The following MCU variants were observed in gnomAD, a reference collection of about 807,000 sequenced individuals.
The protein encoded by MCU is calcium uniporter protein, mitochondrial.
MCU carries 12 observed loss-of-function variants against 45.2 expected under a neutral mutation model. The ratio of observed to expected loss-of-function variants is 0.27; its 90% confidence interval spans 0.17 to 0.43. MCU has a LOEUF of 0.43. Among genes scored for constraint, MCU ranks in the 20% least tolerant of loss-of-function variants. MCU has a pLI of 1.00. For missense variants in MCU, 324 were observed against 436.7 expected (o/e 0.74, Z 2.30); for synonymous variants, 160 against 165.1 (o/e 0.97, Z 0.24).
intron 1 of MCU, among the ~76,000 whole-genome samples, chr10:72,796,555 C>T (rs1005413896): frequency 2.6e-5 from 4 of 152,196 alleles, no homozygotes; most frequent in South Asian, 4.1e-4. Context: ...AGACAGGTCT[C>T]GCTTTGTTAC....
At chr10:72,787,368 A>G (rs972827138) in intron 1 of MCU, among the ~76,000 whole-genome samples, 1 of 152,168 alleles carries the variant, frequency 6.6e-6, no homozygotes. Flanking sequence ...TCCCGGCTTC[A>G]AGCAGTTCTC....
At chr10:72,775,480 G>A (rs1589453957) in intron 1 of MCU, among the ~76,000 whole-genome samples, 2 of 151,958 alleles carry the variant, frequency 1.3e-5, no homozygotes, top group African/African-American at 2.4e-5. Flanking sequence ...CAAAGAACTA[G>A]AAATGGAAGA....
chr10:72,715,175 A>C, intron 1 of MCU: 1 of 985,612 alleles, frequency 1.0e-6, no homozygotes, highest in Non-Finnish European at 1.2e-6. Context: ...TCCATGTACC[A>C]TGCCAGTGAC....
intron 1 of MCU, among the ~76,000 whole-genome samples, chr10:72,753,447 G>A (rs560799704): frequency 6.6e-6 from 1 of 152,278 alleles, no homozygotes; most frequent in South Asian, 2.1e-4. Context: ...AATGTCTTGT[G>A]CAGTAGGTGG....
At chr10:72,782,807 G>C (rs984952459) in intron 1 of MCU, among the ~76,000 whole-genome samples, 1 of 152,064 alleles carries the variant, frequency 6.6e-6, no homozygotes, top group Non-Finnish European at 1.5e-5. Context: ...TGTATTATTC[G>C]TATCTTGTCC....
chr10:72,770,704 C>A (rs1158312554), intron 1 of MCU, among the ~76,000 whole-genome samples: 1 of 151,842 alleles, frequency 6.6e-6, no homozygotes, highest in Non-Finnish European at 1.5e-5. Context: ...GTATTGTTTC[C>A]TTACTTCAAT....
chr10:72,853,446 C>CA (rs1845239227), intron 2 of MCU, among the ~76,000 whole-genome samples: 1 of 151,852 alleles, frequency 6.6e-6, no homozygotes, highest in South Asian at 2.1e-4. Flanking sequence ...TAAAACTATC[C>CA]AAAATGAAAC....
At chr10:72,868,582 T>C (rs1422040412) in intron 4 of MCU, 121 bp from the exon 5 acceptor site, 1 of 816,410 alleles carries the variant, frequency 1.2e-6, no homozygotes, top group Non-Finnish European at 1.9e-6. Context: ...GCTATTACTT[T>C]CCTTCAGTTT....
intron 1 of MCU, among the ~76,000 whole-genome samples, chr10:72,808,778 GGA>G (rs1441067576): frequency 6.6e-6 from 1 of 152,176 alleles, no homozygotes; most frequent in Non-Finnish European, 1.5e-5. Context: ...TGGTGGAGCA[GGA>G]GAGAGAGAAT....
chr10:72,839,278 C>T (rs1438696345), intron 2 of MCU, among the ~76,000 whole-genome samples: 1 of 152,194 alleles, frequency 6.6e-6, no homozygotes, highest in Non-Finnish European at 1.5e-5. Flanking sequence ...GGGTGAGCCA[C>T]TGTGGCTGGC....
intron 4 of MCU, among the ~76,000 whole-genome samples, chr10:72,864,757 T>C (rs1845428560): frequency 6.6e-6 from 1 of 152,186 alleles, no homozygotes; most frequent in Non-Finnish European, 1.5e-5. Flanking sequence ...TCGAATCAGA[T>C]TTTTTGAAGT....
intron 1 of MCU, among the ~76,000 whole-genome samples, chr10:72,728,296 CTT>C (rs1401664895): frequency 5.3e-5 from 8 of 152,066 alleles, no homozygotes; most frequent in Admixed American, 4.6e-4. Flanking sequence ...GAATTTCTGA[CTT>C]TTATTTTGAG....
intron 1 of MCU, among the ~76,000 whole-genome samples, chr10:72,820,368 A>G (rs1392107109): frequency 6.6e-6 from 1 of 152,126 alleles, no homozygotes; most frequent in Non-Finnish European, 1.5e-5. Flanking sequence ...GATAGTTTTG[A>G]TATTTCTCAG....
chr10:72,862,459 G>A (rs1213569540), intron 4 of MCU, among the ~76,000 whole-genome samples: 1 of 152,146 alleles, frequency 6.6e-6, no homozygotes, highest in Non-Finnish European at 1.5e-5. Context: ...GACAGTGGGG[G>A]CGGGGGCAGA....
intron 1 of MCU, among the ~76,000 whole-genome samples, chr10:72,814,507 A>G (rs1844595798): frequency 6.6e-6 from 1 of 152,216 alleles, no homozygotes. Flanking sequence ...AATTAAAAGT[A>G]GCAGAATAAA....
At chr10:72,759,837 C>T (rs757666669) in intron 1 of MCU, among the ~76,000 whole-genome samples, 3 of 152,154 alleles carry the variant, frequency 2.0e-5, no homozygotes, top group South Asian at 4.1e-4. Context: ...TTCTCTCCAC[C>T]GTGTGAGAAT....
intron 1 of MCU, among the ~76,000 whole-genome samples, chr10:72,723,767 T>C (rs956116538): frequency 9.2e-5 from 14 of 152,210 alleles, no homozygotes; most frequent in Non-Finnish European, 4.4e-5. Flanking sequence ...GGTAGCACAT[T>C]TGAGGATTTT....
intron 1 of MCU, among the ~76,000 whole-genome samples, chr10:72,781,158 G>A (rs1018080661): frequency 2.0e-5 from 3 of 152,144 alleles, no homozygotes; most frequent in Non-Finnish European, 4.4e-5. Context: ...TATAGAATCT[G>A]GTGTGTTGTT....
chr10:72,760,712 C>CTTTTTTTTTTT lies in MCU; in HGVS notation c.150+68414_150+68415insTTTTTTTTTTT, dbSNP rs1381226351. 8 of 116,822 alleles carry CTTTTTTTTTTT rather than the reference C, an allele frequency of 6.8e-5. 1 individual carries two copies. Among genetic ancestry groups the CTTTTTTTTTTT allele is most frequent in the Non-Finnish European group, 1.1e-4 (6 of 54,104 alleles). 7.2% of individuals were successfully genotyped at this position (116,822 alleles called of 1,614,324 possible). A position where few individuals can be genotyped will look rare whatever the true frequency, so the allele number is the denominator to read the frequency against. On this transcript the variant is annotated intron_variant, in intron 1 of 7. Transcript: ENST00000373053. ...GTCTGGTTACTTAAATTTTTTTTTT[C>CTTTTTTTTTTT]TTTCTTTTTTTTTTTTTTTTTGCAG...
Sources: gnomAD v4.1 joint callset for allele counts (sites outside exome capture counted in the v4.1 genomes callset) on GRCh38, gnomAD v4.1.1 for gene constraint, MANE v1.5 for transcripts, NCBI Gene and HGNC (gene_info 2026-07-23, HGNC 2026-07-21) for gene names.